The following ITGA3 variants were observed in gnomAD, a reference collection of about 807,000 sequenced individuals.
ITGA3 encodes integrin subunit alpha 3, also known as integrin alpha-3.
A neutral mutation model predicts 131.1 loss-of-function variants in ITGA3; 70 were observed. The observed-to-expected ratio is 0.53, with a 90% confidence interval of 0.44 to 0.65. ITGA3 has a LOEUF of 0.65. Ranked by LOEUF, ITGA3 falls within the 30% of genes least tolerant of loss-of-function variation. The pLI is 0.00. For synonymous variants in ITGA3, 537 were observed against 571.6 expected (o/e 0.94, Z 0.86); for missense variants, 1,098 against 1,388.6 (o/e 0.79, Z 3.33).
In ITGA3 at chr17:50,056,713, C is replaced by G. The variant is rs1317690896; in HGVS notation, c.206+68C>G. On this transcript the variant is annotated intron_variant, in intron 1 of 25. Coordinates refer to ENST00000320031, the MANE Select transcript of ITGA3 (RefSeq NM_002204.4). The surrounding 1 kb of genome is among the most constrained non-coding windows in gnomAD (Gnocchi z 5.6). ...GCGAGCGCGGGATGCGGGTCCGGAGCTGAGTCGGAGCCCAGGGCAGCTGGC... is the reference window on the plus strand; with the variant it reads ...GCGAGCGCGGGATGCGGGTCCGGAGGTGAGTCGGAGCCCAGGGCAGCTGGC... The G allele has an allele frequency of 6.8e-7, 1 of 1,478,552 alleles. No individual in the cohort carries two copies. The highest frequency in any genetic ancestry group is 9.2e-7 in the Non-Finnish European group (1 of 1,092,526). 91.6% of individuals were successfully genotyped at this position (1,478,552 alleles called of 1,614,324 possible).
chr17:50,070,691 G>A (rs1393849222), intron 4 of ITGA3, among the ~76,000 whole-genome samples, 153 bp from the exon 5 acceptor site: 1 of 134,244 alleles, frequency 7.4e-6, no homozygotes, highest in Non-Finnish European at 1.6e-5. Flanking sequence ...TGTTAAAGAG[G>A]ATGTGTTTTA....
At position 50,075,514 on chromosome 17, in the gene ITGA3, A is replaced by T. The variant is rs1272218439; in HGVS notation, c.1525A>T (p.Arg509Trp). The change falls in exon 11 of 26, where the codon AGG (arginine) becomes TGG (tryptophan). Residue 509 changes from arginine to tryptophan, a missense_variant. Arg to Trp is a moderately radical substitution (Grantham distance 101). Transcript: ENST00000320031. ...YNQSAGNPNY[R>W]RNITLAYTLE... ...CCAGAGTGCCGGGAACCCCAACTAC[A>T]GGCGAAACATCAGTGAGTGCTGGGG... 1 of 1,614,114 alleles carries T rather than the reference A, an allele frequency of 6.2e-7. No individual in the cohort carries two copies. The highest frequency in any genetic ancestry group is 1.3e-5 in the African/African-American group (1 of 74,942).
At chr17:50,069,521 C>G (rs1908522101) in intron 4 of ITGA3, among the ~76,000 whole-genome samples, 1 of 152,064 alleles carries the variant, frequency 6.6e-6, no homozygotes, top group African/African-American at 2.4e-5. Flanking sequence ...TAAAAATTAG[C>G]CAGGTGTGGT....
At chr17:50,073,856 G>T in intron 7 of ITGA3, 60 bp from the exon 8 acceptor site, 1 of 1,247,526 alleles carries the variant, frequency 8.0e-7, no homozygotes, top group South Asian at 1.2e-5. Context: ...GGAGCAAAGA[G>T]TTAGGGAGAC....
At chr17:50,080,164 G>A (rs1033404681) in intron 21 of ITGA3, 98 bp from the exon 22 acceptor site, 37 of 694,096 alleles carry the variant, frequency 5.3e-5, no homozygotes, top group Non-Finnish European at 8.0e-5. Flanking sequence ...TCACCCAGGG[G>A]TGAGACAAAG....
Position 50,077,061 on chromosome 17 carries a change from C to T in ITGA3, c.2010C>T (p.Ala670=), listed in dbSNP as rs771277476. The change falls in exon 15 of 26, where the codon GCC becomes GCT. Residue 670 remains alanine, a synonymous_variant. Transcript: ENST00000320031. ...TRTSERSGED[A]HEALLTLVVP... is the part of the protein sequence containing the mutation. ...CCTCGGAGCGCTCCGGGGAGGACGC[C>T]CACGAGGCGCTGCTCACCCTGGTGG... is the stretch of plus-strand genomic sequence containing the variant. 27 of 1,601,922 alleles carry T rather than the reference C, an allele frequency of 1.7e-5. No individual in the cohort carries two copies. Among genetic ancestry groups the T allele is most frequent in the Non-Finnish European group, 2.2e-5 (26 of 1,173,574 alleles).
chr17:50,087,366 G>A (rs556626041), intron 23 of ITGA3: 13 of 178,886 alleles, frequency 7.3e-5, no homozygotes, highest in Non-Finnish European at 1.5e-4. Flanking sequence ...GCTATTCTAT[G>A]AGGTAGTCAT....
At chr17:50,063,966 G>A (rs1343229868) in intron 1 of ITGA3, 111 bp from the exon 2 acceptor site, 1 of 1,421,854 alleles carries the variant, frequency 7.0e-7, no homozygotes, top group African/African-American at 1.4e-5. Flanking sequence ...GGCAGGAGCT[G>A]GGGGTCTCCT....
At chr17:50,087,568 A>C (rs1339367265) in intron 23 of ITGA3, 176 bp from the exon 24 acceptor site, 4 of 626,478 alleles carry the variant, frequency 6.4e-6, no homozygotes, top group Non-Finnish European at 8.2e-6. Flanking sequence ...TGGGAGAAGC[A>C]GGAAGGACCA....
chr17:50,068,818 A>T (rs1171810050), intron 4 of ITGA3, among the ~76,000 whole-genome samples: 2 of 117,512 alleles, frequency 1.7e-5, no homozygotes, highest in Non-Finnish European at 3.8e-5. Context: ...AGTCTTTTTT[A>T]TTTATTTATT....
chr17:50,079,943 G>C (rs959020162), intron 21 of ITGA3, among the ~76,000 whole-genome samples: 3 of 152,216 alleles, frequency 2.0e-5, no homozygotes, highest in African/African-American at 7.2e-5. Context: ...GCCTAGCTGG[G>C]TGGAGAGTGG....
intron 4 of ITGA3, among the ~76,000 whole-genome samples, chr17:50,069,684 C>G (rs1466449266): frequency 6.6e-6 from 1 of 152,004 alleles, no homozygotes; most frequent in Non-Finnish European, 1.5e-5. Flanking sequence ...AAATAAATAT[C>G]GCTACTTTCT....
rs750350999 is a variant in ITGA3 at position 50,068,005 on chromosome 17, A to C, written c.415-51A>C. 7 of 1,607,680 alleles carry C rather than the reference A, an allele frequency of 4.4e-6. No homozygotes were observed. The South Asian group carries it at 7.7e-5, about 18-fold the overall frequency. ...GCTTACAGGGTAAAAGAGACAGCTG[A>C]CCCGGGTCCCTGTGCCTGACTAAGG... On this transcript the variant is annotated intron_variant, in intron 3 of 25. Coordinates refer to ENST00000320031, the MANE Select transcript of ITGA3 (RefSeq NM_002204.4).
intron 18 of ITGA3, 21 bp from the exon 19 acceptor site, chr17:50,078,803 C>A (rs1353985821): frequency 4.0e-6 from 6 of 1,491,002 alleles, no homozygotes; most frequent in Non-Finnish European, 5.6e-6. Context: ...CCCGTGACTC[C>A]AGCATCCTTC....
At position 50,079,381 on chromosome 17, in the gene ITGA3, C is replaced by G. The variant is rs374488967; in HGVS notation, c.2584-54C>G. Reference sequence around the variant, plus strand: ...CTCCTACCCTTTCCTTTCCTGCAACCCTGCTCCCAATTCTTCCTCTGCCCT... The same window carrying G: ...CTCCTACCCTTTCCTTTCCTGCAACGCTGCTCCCAATTCTTCCTCTGCCCT... On this transcript the variant is annotated intron_variant, in intron 20 of 25. Transcript: ENST00000320031. 9.5e-5 allele frequency: 147 copies of G among 1,550,920 alleles called. No homozygotes were observed. The East Asian group carries it at 3.1e-3, about 32-fold the overall frequency.
At chr17:50,070,400 C>T (rs570831269) in intron 4 of ITGA3, among the ~76,000 whole-genome samples, 1 of 152,206 alleles carries the variant, frequency 6.6e-6, no homozygotes, top group African/African-American at 2.4e-5. Flanking sequence ...AATCCCAGCA[C>T]TTTGGGAGGC....
intron 25 of ITGA3, among the ~76,000 whole-genome samples, chr17:50,088,699 C>T (rs947589590): frequency 6.6e-6 from 1 of 152,342 alleles, no homozygotes; most frequent in South Asian, 2.1e-4. Flanking sequence ...TAATTCTACA[C>T]TCCCATTTCC....
chr17:50,082,867 A>T (rs1909244679), intron 23 of ITGA3, among the ~76,000 whole-genome samples: 1 of 152,218 alleles, frequency 6.6e-6, no homozygotes. Flanking sequence ...CTTCCACCCA[A>T]ATTATTCCAG....
At chr17:50,060,681 C>A (rs556721360) in intron 1 of ITGA3, among the ~76,000 whole-genome samples, 1 of 152,058 alleles carries the variant, frequency 6.6e-6, no homozygotes, top group Non-Finnish European at 1.5e-5. Context: ...TCTGCTCCCC[C>A]CAGTCCAGCC....
Sources: gnomAD v4.1 joint callset for allele counts (sites outside exome capture counted in the v4.1 genomes callset) on GRCh38, gnomAD v4.1.1 for gene constraint, Gnocchi (gnomAD v3.1) non-coding constraint, MANE v1.5 for transcripts, NCBI Gene and HGNC (gene_info 2026-07-23, HGNC 2026-07-21) for gene names.